Variants in SUPV3L1 observed in about 807,000 individuals in gnomAD.
The protein encoded by SUPV3L1 is Suv3 like RNA helicase.
SUPV3L1 carries 35 observed loss-of-function variants against 70.0 expected under a neutral mutation model. The observed-to-expected ratio is 0.50, with a 90% CI of 0.38 to 0.66. The LOEUF is 0.66. Among genes scored for constraint, SUPV3L1 ranks in the 30% least tolerant of loss-of-function variants. SUPV3L1 has a pLI of 0.00. For synonymous variants in SUPV3L1, 364 were observed against 341.9 expected (o/e 1.06, Z -0.71); for missense variants, 777 against 961.5 (o/e 0.81, Z 2.54).
intron 7 of SUPV3L1, among the ~76,000 whole-genome samples, chr10:69,196,495 T>C (rs1293308470): frequency 6.6e-6 from 1 of 151,296 alleles, no homozygotes; most frequent in African/African-American, 2.4e-5. Context: ...AGCAAGACTC[T>C]GTCTCATGGA....
rs201223938 is a variant in SUPV3L1 at position 69,180,291 on chromosome 10, G to T, written c.-1G>T. ...CAGACAGTGTAGAACCTGCGGCCTC[G>T]ATGTCCTTCTCCCGTGCCCTATTGT... is the stretch of plus-strand genomic sequence containing the variant. On this transcript the variant is annotated 5_prime_UTR_variant, in exon 1 of 15. Coordinates refer to ENST00000359655, the MANE Select transcript of SUPV3L1 (RefSeq NM_003171.5). The T allele has an allele frequency of 3.7e-4, 591 of 1,612,898 alleles. 1 individual carries two copies. The highest frequency in any genetic ancestry group is 4.6e-4 in the Non-Finnish European group (544 of 1,179,624).
At chr10:69,207,771 C>T (rs772196264) in intron 13 of SUPV3L1, 22 bp from the exon 14 acceptor site, 3 of 1,601,332 alleles carry the variant, frequency 1.9e-6, no homozygotes, top group South Asian at 1.1e-5. Flanking sequence ...TCTCTGAAAC[C>T]CTTTTCCTCT....
rs1842324977 is a variant in SUPV3L1, at chr10:69,189,365, C to A, written c.671C>A (p.Ala224Glu). ...TYHAIQKYFS[A>E]KSGVYCGPLK... ...CACGCAATCCAGAAATACTTCTCAG[C>A]AAAGTCTGGAGTGTATTGTGGCCCT... The change falls in exon 5 of 15, where the codon GCA becomes GAA. Residue 224 changes from alanine (A) to glutamate (E), a missense_variant. Transcript: ENST00000359655. The A allele has an allele frequency of 6.2e-7, 1 of 1,613,966 alleles. No homozygotes were observed. Among genetic ancestry groups the A allele is most frequent in the Admixed American group, 1.7e-5 (1 of 59,994 alleles).
chr10:69,201,969 T>C (rs1405519551), intron 11 of SUPV3L1, among the ~76,000 whole-genome samples: 1 of 151,624 alleles, frequency 6.6e-6, no homozygotes, highest in Non-Finnish European at 1.5e-5. Flanking sequence ...GCCTCCCGAG[T>C]AGCTGGGATT....
At position 69,195,285 on chromosome 10, in the gene SUPV3L1, TA is replaced by T; in HGVS notation, c.931+24del. The stretch of plus-strand genomic sequence containing the variant: ...TTCTAGGTTGGTGGTCGTAATGCTA[TA>T]AAACCCGTGCTTTATGACATCTGCG... On this transcript the variant is annotated intron_variant, in intron 7 of 14. Coordinates refer to ENST00000359655, the MANE Select transcript of SUPV3L1 (RefSeq NM_003171.5). The T allele has an allele frequency of 6.3e-7, 1 of 1,579,076 alleles. No homozygotes were observed. The highest frequency in any genetic ancestry group is 8.6e-7 in the Non-Finnish European group (1 of 1,162,466).
intron 13 of SUPV3L1, among the ~76,000 whole-genome samples, chr10:69,207,028 G>A (rs1311957214): frequency 1.3e-5 from 2 of 152,004 alleles, no homozygotes; most frequent in East Asian, 3.9e-4. Context: ...AAATAAGGGA[G>A]GACATTAACA....
At chr10:69,193,746 A>G (rs1430008268) in intron 6 of SUPV3L1, among the ~76,000 whole-genome samples, 1 of 152,202 alleles carries the variant, frequency 6.6e-6, no homozygotes, top group Non-Finnish European at 1.5e-5. Flanking sequence ...ATTGTTCAAT[A>G]TAAAATTAGC....
intron 7 of SUPV3L1, 138 bp downstream of exon 7, chr10:69,195,403 G>A: frequency 2.2e-6 from 1 of 451,468 alleles, no homozygotes; most frequent in East Asian, 3.5e-5. Context: ...CTAAGTATGA[G>A]TTTTTATTTT....
chr10:69,193,508 G>A (rs1248586810), intron 6 of SUPV3L1, among the ~76,000 whole-genome samples: 1 of 148,464 alleles, frequency 6.7e-6, no homozygotes, highest in African/African-American at 2.5e-5. Flanking sequence ...AGGTGGGAGT[G>A]CAGTGGCACG....
chr10:69,208,773 C>A lies in SUPV3L1; in HGVS notation c.2099C>A (p.Ser700Ter). 1 of 1,614,128 alleles carries A rather than the reference C, an allele frequency of 6.2e-7. No individual in the cohort carries two copies. The highest frequency in any genetic ancestry group is 1.1e-5 in the South Asian group (1 of 91,078). ...GFPSGSQSRL[S>*]GTLKSQARRT... ...CCATCAGGGAGCCAGTCACGATTGT[C>A]AGGAACCTTAAAGAGCCAAGCTAGA... The change falls in exon 15 of 15, where the codon TCA becomes TAA. Residue 700 changes from serine (S) to a stop codon, truncating the protein, a stop_gained. Transcript: ENST00000359655. LOFTEE classifies it low-confidence loss of function (END_TRUNC).
At chr10:69,184,808 G>C (rs917638572) in intron 1 of SUPV3L1, among the ~76,000 whole-genome samples, 3 of 152,132 alleles carry the variant, frequency 2.0e-5, no homozygotes, top group Non-Finnish European at 4.4e-5. Flanking sequence ...AAATGTGGTT[G>C]GCACATTTGT....
chr10:69,208,681 T>C lies in SUPV3L1; in HGVS notation c.2007T>C (p.Gly669=), dbSNP rs1842901612. The change falls in exon 15 of 15, where the codon GGT becomes GGC. Residue 669 remains glycine, a synonymous_variant. Transcript: ENST00000359655. ...AACTAGATGGTATTATCCAAGATGG[T>C]GTGCACAATATCACTAAATTGATTA... ...QKELDGIIQD[G]VHNITKLIKM... is the part of the protein sequence containing the mutation. 1 of 1,614,202 alleles carries C rather than the reference T, an allele frequency of 6.2e-7. No homozygotes were observed. Among genetic ancestry groups the C allele is most frequent in the Non-Finnish European group, 8.5e-7 (1 of 1,180,036 alleles).
At position 69,203,636 on chromosome 10, in the gene SUPV3L1, C is replaced by T. The variant is rs189341509; in HGVS notation, c.1776+593C>T. ...CCAAGATCGCACCATTGCACTCCAG[C>T]CTGGGTGACAGAGCGAGACTCTGTC... On this transcript the variant is annotated intron_variant, in intron 13 of 14. Coordinates refer to ENST00000359655, the MANE Select transcript of SUPV3L1 (RefSeq NM_003171.5). 3.9e-3 allele frequency among the ~76,000 whole-genome samples: 578 copies of T among 146,666 alleles called. 1 individual carries two copies. Among genetic ancestry groups the T allele is most frequent in the Non-Finnish European group, 6.4e-3 (423 of 66,382 alleles).
At chr10:69,195,329 C>G (rs1842515283) in intron 7 of SUPV3L1, 64 bp downstream of exon 7, 1 of 1,323,554 alleles carries the variant, frequency 7.6e-7, no homozygotes, top group South Asian at 1.7e-5. Context: ...GCATTTTTAT[C>G]TGCTTGCCAT....
At chr10:69,189,238 A>G in intron 4 of SUPV3L1, 29 bp from the exon 5 acceptor site, 1 of 1,602,188 alleles carries the variant, frequency 6.2e-7, no homozygotes, top group Non-Finnish European at 8.5e-7. Context: ...AGGTTAATGG[A>G]TTAAGCTGTT....
intron 13 of SUPV3L1, 118 bp downstream of exon 13, chr10:69,203,161 T>C (rs1842729090): frequency 8.8e-7 from 1 of 1,132,882 alleles, no homozygotes; most frequent in Non-Finnish European, 1.2e-6. Flanking sequence ...TGAGAGACTT[T>C]GTAAAAACTT....
chr10:69,200,371 G>T lies in SUPV3L1; in HGVS notation c.1390G>T (p.Ala464Ser). 1 of 1,614,130 alleles carries T rather than the reference G, an allele frequency of 6.2e-7. No homozygotes were observed. Residue 464 changes from alanine to serine, a missense_variant, in exon 11 of 15, where the codon GCC (alanine) becomes TCC (serine). Around this residue, in one of 2 missense-constraint regions of SUPV3L1, gnomAD observed 619 missense variants for 823.3 expected, o/e 0.75. Coordinates refer to ENST00000359655, the MANE Select transcript of SUPV3L1 (RefSeq NM_003171.5). ...ACTAGAACCAATCACAACCTCTCAA[G>T]CCCTGCAGATTGCTGGCAGAGCTGG... ...RELEPITTSQALQIAGRAGRF... is the reference protein window; with the variant it reads ...RELEPITTSQSLQIAGRAGRF...
Position 69,203,671 on chromosome 10 carries a change from A to G in SUPV3L1, c.1776+628A>G, listed in dbSNP as rs577771334. 1.2e-3 allele frequency among the ~76,000 whole-genome samples: 183 copies of G among 151,290 alleles called. 1 individual carries two copies. Among genetic ancestry groups the G allele is most frequent in the Middle Eastern group, 3.4e-3 (1 of 292 alleles). On this transcript the variant is annotated intron_variant, in intron 13 of 14. Transcript: ENST00000359655. ...AGAGCGAGACTCTGTCTCAAAAAAA[A>G]AAAAAACAAAACTCTACCAAGGTTT...
chr10:69,191,624 A>G, intron 5 of SUPV3L1, 31 bp from the exon 6 acceptor site: 2 of 1,580,802 alleles, frequency 1.3e-6, no homozygotes, highest in Middle Eastern at 1.7e-4. Flanking sequence ...CATTATTTTC[A>G]ATAATTCTAG....
Sources: gnomAD v4.1 joint callset for allele counts (sites outside exome capture counted in the v4.1 genomes callset) on GRCh38, gnomAD v4.1.1 for gene constraint, gnomAD v4.1.1 regional missense constraint, MANE v1.5 for transcripts, NCBI Gene and HGNC (gene_info 2026-07-23, HGNC 2026-07-21) for gene names.